Variants in FCRL2 observed in about 807,000 individuals in gnomAD.
FCRL2 encodes Fc receptor-like protein 2.
Under a neutral mutation model 59.8 loss-of-function variants are expected in FCRL2, and 48 were observed. The observed-to-expected ratio is 0.80, with a 90% CI of 0.64 to 1.02. FCRL2 has a LOEUF of 1.02. Among genes scored for constraint, FCRL2 ranks in the 50% least tolerant of loss-of-function variants. FCRL2 has a pLI of 0.00. For missense variants in FCRL2, 658 were observed against 597.3 expected, an observed-to-expected ratio of 1.10 and a Z score of -1.06; for synonymous variants, 251 against 229.5, an observed-to-expected ratio of 1.09 and a Z score of -0.85.
chr1:157,749,081 T>C lies in FCRL2; in HGVS notation c.1308-121A>G, dbSNP rs1571248128. 5.3e-6 allele frequency: 4 copies of C among 755,050 alleles called. No homozygotes were observed. The East Asian group carries it at 1.0e-4, about 19-fold the overall frequency. 46.8% of individuals were successfully genotyped at this position (755,050 alleles called of 1,614,324 possible). A position where few individuals can be genotyped will look rare whatever the true frequency, so the allele number is the denominator to read the frequency against. ...AGCCATGGCTCTCTGCTTGGGTGAT[T>C]TTATGGCCCTTTGTGTAGACTATCT... On this transcript the variant is annotated intron_variant, in intron 8 of 11. Transcript: ENST00000361516.
chr1:157,762,168 AG>A, intron 7 of FCRL2, among the ~76,000 whole-genome samples: 1 of 152,268 alleles, frequency 6.6e-6, no homozygotes, highest in South Asian at 2.1e-4. Flanking sequence ...AGGGGACCTG[AG>A]GTTGGGCTTA....
intron 7 of FCRL2, among the ~76,000 whole-genome samples, chr1:157,754,603 G>T (rs1648447536): frequency 6.6e-6 from 1 of 151,782 alleles, no homozygotes; most frequent in South Asian, 2.1e-4. Flanking sequence ...TTGGGGTCTG[G>T]ATCCAGACCC....
At chr1:157,759,212 T>C (rs1199395319) in intron 7 of FCRL2, among the ~76,000 whole-genome samples, 2 of 152,216 alleles carry the variant, frequency 1.3e-5, no homozygotes, top group Non-Finnish European at 2.9e-5. Flanking sequence ...CTTCCTCTTC[T>C]GTCATGATTG....
At chr1:157,772,550 C>CA (rs1650104175) in intron 2 of FCRL2, among the ~76,000 whole-genome samples, 1 of 152,062 alleles carries the variant, frequency 6.6e-6, no homozygotes, top group Non-Finnish European at 1.5e-5. Context: ...AACTTGCGGC[C>CA]AGAGAGAGTC....
intron 7 of FCRL2, among the ~76,000 whole-genome samples, chr1:157,761,271 A>G (rs541340318): frequency 2.0e-5 from 3 of 152,318 alleles, no homozygotes; most frequent in South Asian, 4.1e-4. Context: ...TTACTGGCTG[A>G]GTGAGCACAA....
At chr1:157,759,749 C>T (rs1004856433) in intron 7 of FCRL2, among the ~76,000 whole-genome samples, 3 of 152,168 alleles carry the variant, frequency 2.0e-5, no homozygotes, top group South Asian at 2.1e-4. Flanking sequence ...CAATGAGATA[C>T]CATCTCACAC....
At chr1:157,774,785 T>C (rs1039599214) in intron 2 of FCRL2, among the ~76,000 whole-genome samples, 2 of 152,132 alleles carry the variant, frequency 1.3e-5, no homozygotes, top group Admixed American at 6.5e-5. Context: ...GACCCCTGAA[T>C]GTCTCCCTGG....
At position 157,770,140 on chromosome 1, in the gene FCRL2, T is replaced by C. The variant is rs376129365; in HGVS notation, c.321A>G (p.Gln107=). 117 of 1,613,482 alleles carry C rather than the reference T, an allele frequency of 7.3e-5. No individual in the cohort carries two copies. The highest frequency in any genetic ancestry group is 9.6e-5 in the Non-Finnish European group (113 of 1,179,884). The change falls in exon 4 of 12, where the codon CAA becomes CAG. Residue 107 remains glutamine, a synonymous_variant. Transcript: ENST00000361516. ...IVKIKVQELF[Q]RPVLTASSFQ... is the part of the protein sequence containing the mutation. ...AGGAGCTGGCAGTCAGCACAGGACG[T>C]TGAAAGAGCTCTAGAGAGAAGGATC...
At chr1:157,758,680 C>CAAAAAAAA (rs59716565) in intron 7 of FCRL2, among the ~76,000 whole-genome samples, 15 of 55,382 alleles carry the variant, frequency 2.7e-4, no homozygotes, top group African/African-American at 4.7e-4. Flanking sequence ...CAGTCCCAAG[C>CAAAAAAAA]AAAAAAAAAA....
intron 2 of FCRL2, among the ~76,000 whole-genome samples, chr1:157,772,685 G>A (rs1163226404): frequency 6.6e-6 from 1 of 152,150 alleles, no homozygotes; most frequent in Admixed American, 6.5e-5. Context: ...ACTGGACAAA[G>A]CACTTTACTC....
rs576266737 is a variant in FCRL2 at position 157,754,457 on chromosome 1, A to G, written c.1280-4780T>C. Reference sequence around the variant, plus strand: ...CAAGAAATAACCATAAAAATGGGCAACAAGGAACCCTTGGGGCTACTCTGC... The same window carrying G: ...CAAGAAATAACCATAAAAATGGGCAGCAAGGAACCCTTGGGGCTACTCTGC... On this transcript the variant is annotated intron_variant, in intron 7 of 11. Transcript: ENST00000361516. Among the ~76,000 whole-genome samples, 23 of 152,302 alleles carry G rather than the reference A, an allele frequency of 1.5e-4. No individual in the cohort carries two copies. The South Asian group carries it at 3.1e-3, about 21-fold the overall frequency.
intron 7 of FCRL2, among the ~76,000 whole-genome samples, chr1:157,757,559 C>T (rs1648694582): frequency 6.6e-6 from 1 of 152,140 alleles, no homozygotes; most frequent in African/African-American, 2.4e-5. Context: ...TTCGTGTGAG[C>T]ACATAGCAAG....
chr1:157,774,311 A>G lies in FCRL2; in HGVS notation c.52+1464T>C, dbSNP rs950162881. 7 of 381,588 alleles carry G rather than the reference A, an allele frequency of 1.8e-5. 1 individual carries two copies. Among genetic ancestry groups the G allele is most frequent in the African/African-American group, 1.1e-4 (5 of 47,180 alleles). The allele number at this position is 381,588 out of a possible 1,614,324, so 23.6% of individuals were successfully genotyped here. ...CAACAGGCCAGAAACTTTTCCCCAG[A>G]GCCAAGACTGGGGTTCAGAGGCCAA... is the stretch of plus-strand genomic sequence containing the variant. On this transcript the variant is annotated intron_variant, in intron 2 of 11. Transcript: ENST00000361516.
intron 7 of FCRL2, 47 bp from the exon 8 acceptor site, chr1:157,749,724 T>C (rs1392421777): frequency 6.5e-7 from 1 of 1,528,506 alleles, no homozygotes; most frequent in Admixed American, 1.7e-5. Context: ...GGAAGCTTTA[T>C]CTCTTAAAAT....
At chr1:157,749,027 G>T (rs1267687344) in intron 8 of FCRL2, 67 bp from the exon 9 acceptor site, 9 of 1,384,222 alleles carry the variant, frequency 6.5e-6, no homozygotes, top group Middle Eastern at 3.8e-4. Context: ...GGGGAGACTG[G>T]CTGAGGAGAG....
chr1:157,750,461 T>C lies in FCRL2; in HGVS notation c.1280-784A>G, dbSNP rs1050648708. Among the ~76,000 whole-genome samples the C allele has an allele frequency of 2.6e-5, 4 of 152,284 alleles. No individual in the cohort carries two copies. In the South Asian group the frequency reaches 6.2e-4, roughly 24 times the overall value. ...CAAGAGACATGCTAAATTTCAAGAGTTACATTGCATTTGGGGATACCCCAG... is the reference window on the plus strand; with the variant it reads ...CAAGAGACATGCTAAATTTCAAGAGCTACATTGCATTTGGGGATACCCCAG... On this transcript the variant is annotated intron_variant, in intron 7 of 11. Coordinates refer to ENST00000361516, the MANE Select transcript of FCRL2 (RefSeq NM_030764.4).
rs1042684745 is a variant in FCRL2, at chr1:157,760,766, G to T, written c.1279+6089C>A. Among the ~76,000 whole-genome samples the T allele has an allele frequency of 8.4e-5, 12 of 143,374 alleles. 1 individual carries two copies. Among genetic ancestry groups the T allele is most frequent in the Middle Eastern group, 7.2e-3 (2 of 278 alleles). The allele number at this position is 143,374 out of a possible 152,430, so 94.1% of individuals were successfully genotyped here. A position where few individuals can be genotyped will look rare whatever the true frequency, so the allele number is the denominator to read the frequency against. ...AAGAAAGAAAGAAAGAAGAAAGAAT[G>T]AAAAAAGAAAGGAAGGAAGGAAGGA... On this transcript the variant is annotated intron_variant, in intron 7 of 11. Transcript: ENST00000361516.
At chr1:157,755,874 G>A (rs1358293090) in intron 7 of FCRL2, among the ~76,000 whole-genome samples, 2 of 152,216 alleles carry the variant, frequency 1.3e-5, no homozygotes, top group Non-Finnish European at 2.9e-5. Context: ...AAGAGTGGGA[G>A]CCTCTGAGGA....
At chr1:157,767,564 C>T in intron 5 of FCRL2, 55 bp from the exon 6 acceptor site, 2 of 1,614,250 alleles carry the variant, frequency 1.2e-6, no homozygotes, top group Non-Finnish European at 1.7e-6. Context: ...AATAGATTCA[C>T]AAACTCCCAA....
Sources: gnomAD v4.1 joint callset for allele counts (sites outside exome capture counted in the v4.1 genomes callset) on GRCh38, gnomAD v4.1.1 for gene constraint, MANE v1.5 for transcripts, NCBI Gene and HGNC (gene_info 2026-07-23, HGNC 2026-07-21) for gene names.